The following SV2C variants were observed in gnomAD, a reference collection of about 807,000 sequenced individuals.
The protein encoded by SV2C is solute carrier family 22 member B3.
In SV2C, 49 loss-of-function variants were observed where a neutral mutation model predicts 79.7. That is an observed-to-expected ratio of 0.61 (90% CI 0.49 to 0.78). The LOEUF (loss-of-function observed/expected upper bound fraction) is 0.78. SV2C is among the 30% of genes least tolerant of loss of function. The pLI, the probability that SV2C is intolerant of heterozygous loss-of-function variation, is 0.00. For synonymous variants in SV2C, 334 were observed against 333.2 expected, an observed-to-expected ratio of 1.00 and a Z score of -0.03; for missense variants, 833 against 912.9, an observed-to-expected ratio of 0.91 and a Z score of 1.13.
intron 2 of SV2C, among the ~76,000 whole-genome samples, chr5:76,171,989 G>A (rs1743294154): frequency 7.5e-6 from 1 of 133,142 alleles, no homozygotes; most frequent in South Asian, 2.5e-4. Context: ...GGAGGTGGGG[G>A]GGGTCAGCCC....
At chr5:75,976,648 T>A in the SV2C span, among the ~76,000 whole-genome samples, 1 of 152,052 alleles carries the variant, frequency 6.6e-6, no homozygotes, top group African/African-American at 2.4e-5. Context: ...CATTTCTAGA[T>A]CCATTTATAA....
the SV2C span, among the ~76,000 whole-genome samples, chr5:75,979,105 C>A: frequency 2.3e-4 from 35 of 152,268 alleles, no homozygotes; most frequent in African/African-American, 7.9e-4. Context: ...TCTGACAAAA[C>A]TGACTTTAAA....
At chr5:76,188,072 C>T (rs975676460) in intron 2 of SV2C, among the ~76,000 whole-genome samples, 1 of 151,954 alleles carries the variant, frequency 6.6e-6, no homozygotes, top group East Asian at 1.9e-4. Context: ...CAGGCCTGGG[C>T]AATATGGTGA....
At chr5:76,116,775 G>A (rs528132240) in intron 1 of SV2C, among the ~76,000 whole-genome samples, 7 of 152,300 alleles carry the variant, frequency 4.6e-5, no homozygotes, top group African/African-American at 1.4e-4. Flanking sequence ...AGCTGATTAT[G>A]CTTCATAATG....
chr5:76,336,728 C>CA (rs535446811), downstream of SV2C, among the ~76,000 whole-genome samples: 4 of 152,100 alleles, frequency 2.6e-5, no homozygotes, highest in South Asian at 4.1e-4. Context: ...CCGTCTCCAC[C>CA]AAAAAAACAC....
At position 76,134,678 on chromosome 5, in the gene SV2C, G is replaced by A. The variant is rs571254826; in HGVS notation, c.580+2348G>A. On this transcript the variant is annotated intron_variant, in intron 2 of 12. Coordinates refer to ENST00000502798, the MANE Select transcript of SV2C (RefSeq NM_014979.4). ...AAAAGATTGACTTAAAGGTATCTAA[G>A]GGCATACAGTGTATGCCTGTATCTG... Among the ~76,000 whole-genome samples the A allele has an allele frequency of 4.6e-5, 7 of 152,142 alleles. No homozygotes were observed. In the South Asian group the frequency reaches 1.5e-3, roughly 32 times the overall value.
rs113118709 is a variant in SV2C, at chr5:76,204,951, A to C, written c.762-4785A>C. On this transcript the variant is annotated intron_variant, in intron 3 of 12. Coordinates refer to ENST00000502798, the MANE Select transcript of SV2C (RefSeq NM_014979.4). ...GCATACTCTGTCATCCTGTTGTGCT[A>C]AACTGGTTTAACTTGTGTGCCTCAC... 4.0e-3 allele frequency among the ~76,000 whole-genome samples: 617 copies of C among 152,360 alleles called. 4 individuals carry two copies. Among genetic ancestry groups the C allele is most frequent in the African/African-American group, 0.014 (590 of 41,584 alleles).
chr5:76,005,401 C>T, the SV2C span, among the ~76,000 whole-genome samples: 1 of 152,218 alleles, frequency 6.6e-6, no homozygotes, highest in Admixed American at 6.5e-5. Context: ...ATTTCTTACC[C>T]TCTAAGAGTT....
chr5:76,305,044 T>C (rs1748137072), intron 12 of SV2C, among the ~76,000 whole-genome samples: 1 of 152,128 alleles, frequency 6.6e-6, no homozygotes, highest in South Asian at 2.1e-4. Flanking sequence ...GCACATCACA[T>C]GTAAAGAGCA....
the SV2C span, among the ~76,000 whole-genome samples, chr5:75,980,854 C>T: frequency 6.6e-6 from 1 of 152,060 alleles, no homozygotes; most frequent in Non-Finnish European, 1.5e-5. Flanking sequence ...TACTGGAGGT[C>T]CTGGCCAGGG....
At chr5:75,848,474 C>T in the SV2C span, among the ~76,000 whole-genome samples, 4 of 152,184 alleles carry the variant, frequency 2.6e-5, no homozygotes, top group Non-Finnish European at 5.9e-5. Flanking sequence ...ATTCAGCTCA[C>T]TAAAATTTAA....
chr5:76,141,095 G>A (rs1266044948), intron 2 of SV2C, among the ~76,000 whole-genome samples: 8 of 152,118 alleles, frequency 5.3e-5, no homozygotes, highest in African/African-American at 1.4e-4. Flanking sequence ...GAGGAGAGAG[G>A]CTTCTGACAT....
At chr5:75,971,483 GATAC>G in the SV2C span, among the ~76,000 whole-genome samples, 1 of 152,120 alleles carries the variant, frequency 6.6e-6, no homozygotes, top group Admixed American at 6.5e-5. Flanking sequence ...AAAGTCTCAG[GATAC>G]AAAATCAATG....
At position 76,256,895 on chromosome 5, in the gene SV2C, A is replaced by G. The variant is rs575173146; in HGVS notation, c.914-28267A>G. On this transcript the variant is annotated intron_variant, in intron 4 of 12. Transcript: ENST00000502798. Reference sequence around the variant, plus strand: ...AGACTTAATGAACGAGTTCCTCTTGATCGGGGTTGTAAGTTTCTAAAATTG... The same window carrying G: ...AGACTTAATGAACGAGTTCCTCTTGGTCGGGGTTGTAAGTTTCTAAAATTG... Among the ~76,000 whole-genome samples, 4 of 152,350 alleles carry G rather than the reference A, an allele frequency of 2.6e-5. No homozygotes were observed. The East Asian group carries it at 7.7e-4, about 29-fold the overall frequency.
chr5:76,009,896 A>G, the SV2C span, among the ~76,000 whole-genome samples: 1 of 152,064 alleles, frequency 6.6e-6, no homozygotes, highest in African/African-American at 2.4e-5. Context: ...TACCCCCTGA[A>G]TCTCAAATAA....
At chr5:76,299,046 A>G in intron 10 of SV2C, 119 bp downstream of exon 10, 1 of 1,188,146 alleles carries the variant, frequency 8.4e-7, no homozygotes, top group East Asian at 2.6e-5. Flanking sequence ...GAATAAATGG[A>G]ACAAGTTCTC....
At chr5:76,037,828 CG>C in the SV2C span, among the ~76,000 whole-genome samples, 1 of 152,228 alleles carries the variant, frequency 6.6e-6, no homozygotes. Context: ...CAATGTCGGG[CG>C]CCCCTCCCCC....
At chr5:75,851,656 T>TC in the SV2C span, among the ~76,000 whole-genome samples, 1 of 152,030 alleles carries the variant, frequency 6.6e-6, no homozygotes, top group African/African-American at 2.4e-5. Context: ...TTTTTTTTTT[T>TC]CTGAGACGGA....
chr5:75,854,413 T>C, the SV2C span, among the ~76,000 whole-genome samples: 31 of 152,280 alleles, frequency 2.0e-4, no homozygotes, highest in East Asian at 4.6e-3. Flanking sequence ...GTATGGTAAA[T>C]GTATGTTTTT....
Sources: allele counts gnomAD v4.1 joint callset (sites outside exome capture counted in the v4.1 genomes callset), GRCh38; gene constraint gnomAD v4.1.1; transcripts MANE v1.5; gene names NCBI Gene and HGNC (gene_info 2026-07-23, HGNC 2026-07-21).